The following VPS13B variants were observed in gnomAD, a reference collection of about 807,000 sequenced individuals.
VPS13B encodes intermembrane lipid transfer protein VPS13B.
In VPS13B, 285 loss-of-function variants were observed where a neutral mutation model predicts 426.4. The observed-to-expected ratio is 0.67, with a 90% CI of 0.61 to 0.74. The LOEUF is 0.74. Among genes scored for constraint, VPS13B ranks in the 30% least tolerant of loss-of-function variants. The pLI, the probability that VPS13B is intolerant of heterozygous loss-of-function variation, is 0.00. For missense variants in VPS13B, 4,537 were observed against 4,782.6 expected (o/e 0.95, Z 1.51); for synonymous variants, 1,676 against 1,676.4 (o/e 1.00, Z 0.01).
intron 6 of VPS13B, among the ~76,000 whole-genome samples, chr8:99,113,690 G>A (rs1230812348): frequency 1.3e-5 from 2 of 151,918 alleles, no homozygotes; most frequent in Admixed American, 6.6e-5. Flanking sequence ...TCAGCTTCCC[G>A]AGTAGCTGGG....
At chr8:99,151,045 G>A (rs1811050830) in intron 14 of VPS13B, among the ~76,000 whole-genome samples, 1 of 152,232 alleles carries the variant, frequency 6.6e-6, no homozygotes, top group African/African-American at 2.4e-5. Flanking sequence ...ACCAACATTT[G>A]ATGTTGTCAG....
chr8:99,103,477 A>C, intron 5 of VPS13B, among the ~76,000 whole-genome samples: 1 of 137,656 alleles, frequency 7.3e-6, no homozygotes, highest in South Asian at 2.3e-4. Context: ...CTACAGGCAC[A>C]TGCTGCTATG....
chr8:99,526,865 C>A (rs542395193), intron 30 of VPS13B, among the ~76,000 whole-genome samples: 2 of 152,110 alleles, frequency 1.3e-5, no homozygotes, highest in South Asian at 4.2e-4. Flanking sequence ...TGGATTTTGA[C>A]TTATGAGGTC....
rs1207854202 is a variant in VPS13B at position 99,029,644 on chromosome 8, CGCGCGCCTGCAATCGCAG to C, written c.148-8776_148-8759del. ...AACGAAAACCAGTCAGGTGTGGCGG[CGCGCGCCTGCAATCGCAG>C]GCACTCGGCAGGCTGAGGCAGGAGA... On this transcript the variant is annotated intron_variant, in intron 2 of 61. Coordinates refer to ENST00000357162, the MANE Select transcript of VPS13B (RefSeq NM_152564.5). Among the ~76,000 whole-genome samples, 55 of 151,484 alleles carry C rather than the reference CGCGCGCCTGCAATCGCAG, an allele frequency of 3.6e-4. 1 individual carries two copies. In the East Asian group the frequency reaches 0.01, roughly 29 times the overall value.
chr8:99,869,065 C>T (rs189417485), intron 59 of VPS13B, among the ~76,000 whole-genome samples: 8 of 152,352 alleles, frequency 5.3e-5, no homozygotes, highest in East Asian at 3.9e-4. Flanking sequence ...CATGCACACA[C>T]GAGTAATGGG....
At chr8:99,487,680 A>G (rs1274954943) in intron 25 of VPS13B, among the ~76,000 whole-genome samples, 2 of 152,156 alleles carry the variant, frequency 1.3e-5, no homozygotes, top group East Asian at 1.9e-4. Context: ...GGTACTTCAT[A>G]TAAGAAGAAT....
At chr8:99,199,860 CTGT>C (rs1310078513) in intron 17 of VPS13B, among the ~76,000 whole-genome samples, 1 of 151,952 alleles carries the variant, frequency 6.6e-6, no homozygotes, top group East Asian at 1.9e-4. Flanking sequence ...TCCCTTCCTT[CTGT>C]TAAGTTTTTA....
At chr8:99,343,989 G>T (rs1475513278) in intron 19 of VPS13B, among the ~76,000 whole-genome samples, 1 of 152,080 alleles carries the variant, frequency 6.6e-6, no homozygotes, top group East Asian at 1.9e-4. Context: ...ACCCACAAAA[G>T]ACCTCAAATA....
chr8:99,715,278 G>C (rs1563878273), intron 36 of VPS13B, among the ~76,000 whole-genome samples: 2 of 152,272 alleles, frequency 1.3e-5, no homozygotes, highest in East Asian at 3.9e-4. Context: ...TGTCGATTCA[G>C]TTCAATGGAA....
intron 3 of VPS13B, among the ~76,000 whole-genome samples, chr8:99,082,642 G>A (rs1845549185): frequency 6.6e-6 from 1 of 152,132 alleles, no homozygotes; most frequent in Non-Finnish European, 1.5e-5. Flanking sequence ...TTTTGTATAA[G>A]GTGTAAGGAA....
intron 23 of VPS13B, among the ~76,000 whole-genome samples, chr8:99,461,767 T>G (rs1272701561): frequency 6.6e-6 from 1 of 151,984 alleles, no homozygotes; most frequent in Non-Finnish European, 1.5e-5. Context: ...CTTACTGGAG[T>G]ATCCTATTTT....
At chr8:99,811,248 C>T (rs1813683765) in intron 44 of VPS13B, among the ~76,000 whole-genome samples, 1 of 152,152 alleles carries the variant, frequency 6.6e-6, no homozygotes, top group African/African-American at 2.4e-5. Context: ...AATCTTTCAC[C>T]ATTCCACCAC....
chr8:99,473,795 A>G (rs1396966534), intron 24 of VPS13B, among the ~76,000 whole-genome samples: 2 of 152,198 alleles, frequency 1.3e-5, no homozygotes, highest in East Asian at 3.8e-4. Flanking sequence ...AACAAAACTC[A>G]CCAAGCTTTT....
At chr8:99,245,429 A>C (rs930798453) in intron 17 of VPS13B, among the ~76,000 whole-genome samples, 111 of 152,326 alleles carry the variant, frequency 7.3e-4, no homozygotes, top group African/African-American at 2.6e-3. Context: ...CCATGATTTG[A>C]ACCGCTAAGA....
chr8:99,320,524 G>A (rs2133126208), intron 19 of VPS13B, among the ~76,000 whole-genome samples: 1 of 152,228 alleles, frequency 6.6e-6, no homozygotes, highest in East Asian at 1.9e-4. Flanking sequence ...AATCTTAGAT[G>A]ATTCAAACCA....
At chr8:99,028,396 C>CT (rs1436966433) in intron 2 of VPS13B, among the ~76,000 whole-genome samples, 1 of 146,086 alleles carries the variant, frequency 6.8e-6, no homozygotes, top group African/African-American at 2.5e-5. Flanking sequence ...GGGGGCTGAC[C>CT]CCCCCCACCT....
chr8:99,720,292 C>T (rs2130338963), intron 37 of VPS13B, 53 bp from the exon 38 acceptor site: 1 of 1,421,834 alleles, frequency 7.0e-7, no homozygotes, highest in Non-Finnish European at 9.9e-7. Context: ...CCTAATTAGT[C>T]TCAAGAAATG....
At chr8:99,416,700 G>T (rs1240784651) in intron 21 of VPS13B, among the ~76,000 whole-genome samples, 1 of 152,130 alleles carries the variant, frequency 6.6e-6, no homozygotes, top group African/African-American at 2.4e-5. Flanking sequence ...TGCTTCCTGA[G>T]TGAGGCGATG....
intron 59 of VPS13B, among the ~76,000 whole-genome samples, chr8:99,869,215 C>G (rs976883172): frequency 3.3e-5 from 5 of 152,184 alleles, no homozygotes; most frequent in Non-Finnish European, 5.9e-5. Context: ...GGTAATGAAG[C>G]AGGTTGTCTA....
Sources: allele counts gnomAD v4.1 joint callset (sites outside exome capture counted in the v4.1 genomes callset), GRCh38; gene constraint gnomAD v4.1.1; transcripts MANE v1.5; gene names NCBI Gene and HGNC (gene_info 2026-07-23, HGNC 2026-07-21).